TENM3: variants seen among roughly 807,000 people sequenced by gnomAD.
The protein encoded by TENM3 is teneurin transmembrane protein 3, also known as teneurin-3.
A neutral mutation model predicts 255.1 loss-of-function variants in TENM3; 63 were observed. The ratio of observed to expected loss-of-function variants is 0.25; its 90% CI spans 0.20 to 0.30. The LOEUF is 0.30. Among genes scored for constraint, TENM3 ranks in the 10% least tolerant of loss-of-function variants. The pLI is 1.00. For synonymous variants in TENM3, 1,306 were observed against 1,322.3 expected (o/e 0.99, Z 0.27); for missense variants, 2,929 against 3,461.1 (o/e 0.85, Z 3.86).
chr4:182,564,815 T>G (rs1743605644), intron 3 of TENM3, among the ~76,000 whole-genome samples: 1 of 152,196 alleles, frequency 6.6e-6, no homozygotes, highest in Non-Finnish European at 1.5e-5. Context: ...TCTCTCTTCT[T>G]TTAGCTTCAC....
At chr4:182,313,667 G>GA (rs11353495) in intron 1 of TENM3, among the ~76,000 whole-genome samples, 229 of 150,748 alleles carry the variant, frequency 1.5e-3, no homozygotes, top group African/African-American at 4.5e-3. Context: ...TATTTTAAAT[G>GA]AAAAAAAAAC....
intron 1 of TENM3, among the ~76,000 whole-genome samples, chr4:182,291,374 T>C (rs1761114522): frequency 6.6e-6 from 1 of 152,094 alleles, no homozygotes; most frequent in Non-Finnish European, 1.5e-5. Context: ...TGAAAGAGCC[T>C]GGTATGTGGG....
At chr4:181,534,411 G>T in the TENM3 span, among the ~76,000 whole-genome samples, 2 of 152,124 alleles carry the variant, frequency 1.3e-5, no homozygotes, top group South Asian at 2.1e-4. Context: ...AGACATTTTA[G>T]TTCCTTTGGT....
At chr4:182,461,637 C>A (rs1732002993) in intron 3 of TENM3, among the ~76,000 whole-genome samples, 1 of 152,098 alleles carries the variant, frequency 6.6e-6, no homozygotes, top group Non-Finnish European at 1.5e-5. Flanking sequence ...GTAGAGAAAC[C>A]CATTTGGACT....
chr4:181,592,250 A>AACAGAAACACACACACACACACAC, the TENM3 span, among the ~76,000 whole-genome samples: 1,473 of 126,784 alleles, frequency 0.012, 19 homozygotes, highest in African/African-American at 0.035. Flanking sequence ...AAGCTGTTTA[A>AACAGAAACACACACACACACACAC]ACACAAACAC....
At chr4:181,673,971 G>A in the TENM3 span, among the ~76,000 whole-genome samples, 1 of 151,860 alleles carries the variant, frequency 6.6e-6, no homozygotes, top group Non-Finnish European at 1.5e-5. Flanking sequence ...GCAGGAGTAT[G>A]GCGAATTTCT....
the TENM3 span, among the ~76,000 whole-genome samples, chr4:181,855,696 T>A: frequency 6.6e-6 from 1 of 152,180 alleles, no homozygotes; most frequent in Admixed American, 6.5e-5. Flanking sequence ...TAGAAACTAG[T>A]TAAGTCTTGC....
intron 19 of TENM3, among the ~76,000 whole-genome samples, chr4:182,748,873 A>G (rs75229110): frequency 0.056 from 8,490 of 152,254 alleles, 401 homozygotes; most frequent in Admixed American, 0.13. Context: ...TTTATCAGAC[A>G]TTTTTAAAGC....
At chr4:182,173,782 C>T (rs1026999552) in intron 1 of TENM3, among the ~76,000 whole-genome samples, 1 of 152,120 alleles carries the variant, frequency 6.6e-6, no homozygotes, top group African/African-American at 2.4e-5. Flanking sequence ...GTAAATCCAG[C>T]AGCGAAAGGA....
chr4:181,534,010 C>A, the TENM3 span, among the ~76,000 whole-genome samples: 1 of 152,312 alleles, frequency 6.6e-6, no homozygotes, highest in African/African-American at 2.4e-5. Flanking sequence ...CCAAGTCATT[C>A]TGAGATTCAC....
the TENM3 span, among the ~76,000 whole-genome samples, chr4:181,729,651 C>G: frequency 6.6e-6 from 1 of 152,160 alleles, no homozygotes; most frequent in Admixed American, 6.5e-5. Flanking sequence ...TTTCACGTGA[C>G]AGAGCAGCTG....
intron 18 of TENM3, among the ~76,000 whole-genome samples, chr4:182,742,628 A>G (rs1045534352): frequency 1.3e-5 from 2 of 152,192 alleles, no homozygotes; most frequent in African/African-American, 4.8e-5. Flanking sequence ...CCTGGTTCAC[A>G]TTTTTATTGA....
chr4:181,951,650 A>G, the TENM3 span, among the ~76,000 whole-genome samples: 45 of 152,238 alleles, frequency 3.0e-4, no homozygotes, highest in Non-Finnish European at 1.0e-4. Flanking sequence ...GGAGATGGAC[A>G]CATGTAAACT....
chr4:181,530,077 CA>C, the TENM3 span, among the ~76,000 whole-genome samples: 30 of 152,254 alleles, frequency 2.0e-4, 1 homozygote, highest in Non-Finnish European at 3.7e-4. Flanking sequence ...TGTACAATTA[CA>C]TTTTAATTTA....
the TENM3 span, among the ~76,000 whole-genome samples, chr4:181,516,087 C>A: frequency 6.6e-5 from 10 of 152,126 alleles, no homozygotes; most frequent in African/African-American, 2.4e-4. Flanking sequence ...CCATTATCCT[C>A]AGCAAACTAA....
intron 3 of TENM3, among the ~76,000 whole-genome samples, chr4:182,364,671 G>A (rs969167768): frequency 2.6e-5 from 4 of 152,094 alleles, no homozygotes; most frequent in East Asian, 1.9e-4. Flanking sequence ...CGCTCGTCTC[G>A]GCCTCCCATA....
the TENM3 span, among the ~76,000 whole-genome samples, chr4:181,575,900 G>A: frequency 4.6e-5 from 7 of 152,182 alleles, no homozygotes; most frequent in African/African-American, 1.7e-4. Flanking sequence ...ACATGGCCAG[G>A]AATCAATAGC....
intron 3 of TENM3, among the ~76,000 whole-genome samples, chr4:182,599,741 A>T (rs1047564489): frequency 6.6e-5 from 10 of 152,220 alleles, no homozygotes; most frequent in Non-Finnish European, 1.5e-4. Flanking sequence ...GATGGAAGCT[A>T]GTACTTGTGT....
the TENM3 span, among the ~76,000 whole-genome samples, chr4:182,119,666 T>G: frequency 6.6e-6 from 1 of 152,148 alleles, no homozygotes; most frequent in Non-Finnish European, 1.5e-5. Context: ...TGGAGACTTC[T>G]AAGCTCCTTA....
Sources: gnomAD v4.1 joint callset for allele counts (sites outside exome capture counted in the v4.1 genomes callset) on GRCh38, gnomAD v4.1.1 for gene constraint, MANE v1.5 for transcripts, NCBI Gene and HGNC (gene_info 2026-07-23, HGNC 2026-07-21) for gene names.